Variants in ZNF599 observed in about 807,000 individuals in gnomAD.
ZNF599 encodes the protein zinc finger protein 599.
Under a neutral mutation model 11.7 loss-of-function variants are expected in ZNF599, and 10 were observed. The ratio of observed to expected loss-of-function variants is 0.86; its 90% CI spans 0.53 to 1.45. The LOEUF is 1.45. Among genes scored for constraint, ZNF599 ranks in the 40% most tolerant of loss-of-function variants. The probability of loss-of-function intolerance (pLI) is 0.00; values close to 1 mark genes in which losing one functional copy is unlikely to be tolerated. For synonymous variants in ZNF599, 232 were observed against 253.2 expected, an observed-to-expected ratio of 0.92 and a Z score of 0.79; for missense variants, 688 against 713.6, an observed-to-expected ratio of 0.96 and a Z score of 0.41.
the ZNF599 span, among the ~76,000 whole-genome samples, chr19:34,783,450 G>A: frequency 6.6e-6 from 1 of 152,130 alleles, no homozygotes; most frequent in African/African-American, 2.4e-5. Flanking sequence ...CCAGTACCTG[G>A]CCCTGGAGTG....
chr19:34,779,547 A>G, the ZNF599 span: 2 of 452,218 alleles, frequency 4.4e-6, no homozygotes, highest in Non-Finnish European at 4.4e-6. Flanking sequence ...TGGTGTTGAA[A>G]GAGATCAGAG....
At chr19:34,788,954 C>A in the ZNF599 span, among the ~76,000 whole-genome samples, 3 of 152,264 alleles carry the variant, frequency 2.0e-5, no homozygotes, top group South Asian at 4.1e-4. Flanking sequence ...GTAATGAGAA[C>A]ACTTTACACC....
the ZNF599 span, among the ~76,000 whole-genome samples, chr19:34,790,978 A>G: frequency 6.6e-6 from 1 of 152,350 alleles, no homozygotes; most frequent in East Asian, 1.9e-4. Flanking sequence ...CAATACCAAT[A>G]CAAATAGCTA....
intron 2 of ZNF599, 53 bp downstream of exon 2, chr19:34,769,376 G>A (rs2242129): frequency 0.31 from 499,198 of 1,611,782 alleles, 78,657 homozygotes; most frequent in African/African-American, 0.39. Context: ...CCTAGAAAGG[G>A]TGGATTCAAA....
Position 34,759,989 on chromosome 19 carries a change from G to A in ZNF599, c.812C>T (p.Thr271Met), listed in dbSNP as rs540997796. 1.1e-4 allele frequency: 170 copies of A among 1,614,100 alleles called. No individual in the cohort carries two copies. The South Asian group carries it at 1.4e-3, about 13-fold the overall frequency. Residue 271 changes from threonine to methionine, a missense_variant, in exon 4 of 4, where the codon ACG (threonine) becomes ATG (methionine). Thr to Met is a moderately conservative substitution (Grantham distance 81). Transcript: ENST00000329285. ...GKAFKRRFHL[T>M]EHQRIHTGDK... ...TCCGGTGTGAATACGCTGGTGCTCC[G>A]TGAGGTGAAACCTGCGTTTGAAGGC... is the stretch of plus-strand genomic sequence containing the variant.
At chr19:34,774,306 C>T (rs1366265440), upstream of ZNF599, among the ~76,000 whole-genome samples, 1 of 152,130 alleles carries the variant, frequency 6.6e-6, no homozygotes, top group Non-Finnish European at 1.5e-5. Context: ...CCCTCCAGCC[C>T]CCAGGGAAGC....
At position 34,759,957 on chromosome 19, in the gene ZNF599, G is replaced by C. The variant is rs751663949; in HGVS notation, c.844C>G (p.Pro282Ala). 1 of 1,614,196 alleles carries C rather than the reference G, an allele frequency of 6.2e-7. No individual in the cohort carries two copies. Among genetic ancestry groups the C allele is most frequent in the South Asian group, 1.1e-5 (1 of 91,080 alleles). ...EHQRIHTGDK[P>A]YECKECGKAF... ...TTGCCACATTCTTTGCACTCATAGG[G>C]CTTATCTCCGGTGTGAATACGCTGG... Residue 282 changes from proline (P) to alanine (A), a missense_variant, in exon 4 of 4, where the codon CCC (proline) becomes GCC (alanine). Physicochemically the swap from Pro to Ala is conservative, Grantham distance 27. Transcript: ENST00000329285.
At chr19:34,784,761 T>C in the ZNF599 span, among the ~76,000 whole-genome samples, 1 of 151,714 alleles carries the variant, frequency 6.6e-6, no homozygotes, top group Non-Finnish European at 1.5e-5. Context: ...GATACCCCCT[T>C]GGAAAATGTG....
chr19:34,793,304 G>A, the ZNF599 span, among the ~76,000 whole-genome samples: 3 of 152,128 alleles, frequency 2.0e-5, no homozygotes, highest in Non-Finnish European at 4.4e-5. Flanking sequence ...AGCAGCTTTG[G>A]GGAAAAGCCC....
chr19:34,765,586 C>T, intron 3 of ZNF599: 1 of 703,004 alleles, frequency 1.4e-6, no homozygotes, highest in Middle Eastern at 2.3e-4. Flanking sequence ...CTAGATTCTG[C>T]TGGAGAAATT....
In ZNF599 at chr19:34,760,036, G is replaced by A; in HGVS notation, c.765C>T (p.Tyr255=). ...AGGCTTTCCCACACTCAATACACTT[G>A]TATGGTTTTTCCCCAGTATGAAGCC... ...HMRLHTGEKP[Y]KCIECGKAFK... is the part of the protein sequence containing the mutation. Residue 255 remains tyrosine (Y), a synonymous_variant, in exon 4 of 4, where the codon TAC becomes TAT. Coordinates refer to ENST00000329285, the MANE Select transcript of ZNF599 (RefSeq NM_001007248.3). 2 of 1,613,966 alleles carry A rather than the reference G, an allele frequency of 1.2e-6. No individual in the cohort carries two copies. Among genetic ancestry groups the A allele is most frequent in the Non-Finnish European group, 1.7e-6 (2 of 1,179,990 alleles).
chr19:34,779,743 A>G, the ZNF599 span: 1 of 274,658 alleles, frequency 3.6e-6, no homozygotes, highest in Non-Finnish European at 7.1e-6. Flanking sequence ...CTCGATGCAT[A>G]TTGAGAGTGG....
intron 3 of ZNF599, chr19:34,763,477 A>G (rs1183720706): frequency 6.6e-6 from 1 of 152,054 alleles, no homozygotes; most frequent in Non-Finnish European, 1.5e-5. Context: ...CCTGGCCAAC[A>G]TGGTAAACTT....
At chr19:34,774,546 C>A (rs919046562), upstream of ZNF599, among the ~76,000 whole-genome samples, 18 of 152,106 alleles carry the variant, frequency 1.2e-4, no homozygotes, top group Admixed American at 5.9e-4. Flanking sequence ...ATCACTTCTG[C>A]CTATATTCCA....
chr19:34,783,074 G>A, the ZNF599 span, among the ~76,000 whole-genome samples: 3 of 152,214 alleles, frequency 2.0e-5, no homozygotes, highest in Non-Finnish European at 4.4e-5. Context: ...AGGCAGGCAG[G>A]CAGATAGACA....
At chr19:34,805,197 C>T in the ZNF599 span, among the ~76,000 whole-genome samples, 22 of 125,902 alleles carry the variant, frequency 1.7e-4, no homozygotes, top group South Asian at 1.0e-3. Flanking sequence ...TAAGTGCTAC[C>T]TTTTTTTTTT....
At chr19:34,772,319 T>A (rs1348305063) in intron 1 of ZNF599, 1 of 989,786 alleles carries the variant, frequency 1.0e-6, no homozygotes, top group Non-Finnish European at 1.2e-6. Flanking sequence ...CTGCCAAAAA[T>A]GCTGCTCCCG....
rs1388047078 is a variant in ZNF599 at position 34,769,528 on chromosome 19, C to T, written c.46G>A (p.Val16Met). 1 of 1,613,996 alleles carries T rather than the reference C, an allele frequency of 6.2e-7. No individual in the cohort carries two copies. Among genetic ancestry groups the T allele is most frequent in the Non-Finnish European group, 8.5e-7 (1 of 1,179,968 alleles). ...LALVSFEDVVVTFTGEEWGHL... is the reference protein window; with the variant it reads ...LALVSFEDVVMTFTGEEWGHL... ...CCCCATTCCTCTCCAGTGAAGGTCA[C>T]AACCACGTCTTCAAATGATACTAAT... is the stretch of plus-strand genomic sequence containing the variant. The change falls in exon 2 of 4, where the codon GTG (valine) becomes ATG (methionine). Residue 16 changes from valine to methionine, a missense_variant. By Grantham distance (21) the Val-to-Met change is conservative. Transcript: ENST00000329285.
chr19:34,789,367 T>C, the ZNF599 span, among the ~76,000 whole-genome samples: 1 of 152,190 alleles, frequency 6.6e-6, no homozygotes, highest in Non-Finnish European at 1.5e-5. Flanking sequence ...TGTGTCTATG[T>C]CCAGAAGAGG....
Sources: allele counts gnomAD v4.1 joint callset (sites outside exome capture counted in the v4.1 genomes callset), GRCh38; gene constraint gnomAD v4.1.1; transcripts MANE v1.5; gene names NCBI Gene and HGNC (gene_info 2026-07-23, HGNC 2026-07-21).